PREX2: variants seen among roughly 807,000 people sequenced by gnomAD.
The protein encoded by PREX2 is phosphatidylinositol 3,4,5-trisphosphate-dependent Rac exchanger 2 protein.
Under a neutral mutation model 203.2 loss-of-function variants are expected in PREX2, and 107 were observed. That is an observed-to-expected ratio of 0.53 (90% CI 0.45 to 0.62). PREX2 has a LOEUF of 0.62. PREX2 is among the 20% of genes least tolerant of loss of function. PREX2 has a pLI of 0.00. For synonymous variants in PREX2, 672 were observed against 663.6 expected, an observed-to-expected ratio of 1.01 and a Z score of -0.19; for missense variants, 1,777 against 1,955.9, an observed-to-expected ratio of 0.91 and a Z score of 1.72.
chr8:68,002,046 T>A (rs1806952314), intron 1 of PREX2, among the ~76,000 whole-genome samples: 1 of 151,150 alleles, frequency 6.6e-6, no homozygotes, highest in African/African-American at 2.4e-5. Context: ...AGTTTCCCTA[T>A]GTAACAAACC....
chr8:68,113,017 A>G (rs774779712), intron 25 of PREX2, among the ~76,000 whole-genome samples: 11 of 152,168 alleles, frequency 7.2e-5, no homozygotes, highest in Admixed American at 3.3e-4. Context: ...CTGGAATTGC[A>G]TGCTGCTGAA....
At chr8:68,145,855 C>T (rs1811316167) in intron 33 of PREX2, among the ~76,000 whole-genome samples, 1 of 152,076 alleles carries the variant, frequency 6.6e-6, no homozygotes, top group Non-Finnish European at 1.5e-5. Flanking sequence ...ACCCCAAGGA[C>T]TCATTCTGAC....
At chr8:68,128,725 G>A (rs1028607926) in intron 31 of PREX2, among the ~76,000 whole-genome samples, 4 of 152,172 alleles carry the variant, frequency 2.6e-5, no homozygotes, top group African/African-American at 9.7e-5. Flanking sequence ...GCCCCAGCAT[G>A]TAACTGGCAA....
intron 34 of PREX2, among the ~76,000 whole-genome samples, chr8:68,152,683 G>A (rs1391771364): frequency 6.6e-6 from 1 of 152,134 alleles, no homozygotes; most frequent in Non-Finnish European, 1.5e-5. Flanking sequence ...GGCTGACTGA[G>A]GCACAAGGAA....
chr8:68,063,016 T>C (rs1808903886), intron 11 of PREX2, among the ~76,000 whole-genome samples: 1 of 152,190 alleles, frequency 6.6e-6, no homozygotes, highest in Non-Finnish European at 1.5e-5. Context: ...AAATTGTATA[T>C]GATTTTGCGC....
chr8:68,169,718 G>A (rs1188039740), intron 35 of PREX2, among the ~76,000 whole-genome samples: 1 of 152,070 alleles, frequency 6.6e-6, no homozygotes, highest in East Asian at 1.9e-4. Flanking sequence ...ACTGTATTAG[G>A]CCATCTGAGT....
At chr8:68,111,995 A>G (rs953699276) in intron 25 of PREX2, among the ~76,000 whole-genome samples, 19 of 152,186 alleles carry the variant, frequency 1.2e-4, no homozygotes, top group Admixed American at 6.5e-5. Context: ...TCCCTGTGAA[A>G]GGTCCTGGGG....
chr8:68,195,745 T>A (rs761109827), intron 37 of PREX2, among the ~76,000 whole-genome samples: 12 of 152,230 alleles, frequency 7.9e-5, no homozygotes, highest in Non-Finnish European at 1.8e-4. Context: ...ATTTTTATCA[T>A]TTACTTTTAA....
At chr8:68,043,572 C>A in intron 7 of PREX2, among the ~76,000 whole-genome samples, 1 of 152,010 alleles carries the variant, frequency 6.6e-6, no homozygotes, top group Non-Finnish European at 1.5e-5. Context: ...ACACATTAAT[C>A]ATTATTTGAC....
chr8:67,980,788 A>G (rs1225017473), intron 1 of PREX2, among the ~76,000 whole-genome samples: 1 of 152,134 alleles, frequency 6.6e-6, no homozygotes, highest in Admixed American at 6.6e-5. Flanking sequence ...TGCTGCTGCT[A>G]TGTGAAGAAG....
chr8:68,073,082 T>C (rs1809246866), intron 14 of PREX2, among the ~76,000 whole-genome samples: 1 of 151,894 alleles, frequency 6.6e-6, no homozygotes. Flanking sequence ...ACTGCTAGAA[T>C]TGAGAAAATG....
At chr8:68,041,644 G>A (rs1808201108) in intron 7 of PREX2, among the ~76,000 whole-genome samples, 1 of 152,008 alleles carries the variant, frequency 6.6e-6, no homozygotes, top group Non-Finnish European at 1.5e-5. Context: ...GTGTTTGATA[G>A]CAAGATTGAG....
chr8:68,174,539 A>G (rs1319908353), intron 35 of PREX2, among the ~76,000 whole-genome samples: 1 of 151,936 alleles, frequency 6.6e-6, no homozygotes, highest in Non-Finnish European at 1.5e-5. Flanking sequence ...GCCAATTCCT[A>G]CCCATCTTTT....
chr8:68,172,737 G>A (rs1811904804), intron 35 of PREX2, among the ~76,000 whole-genome samples: 2 of 152,116 alleles, frequency 1.3e-5, no homozygotes, highest in African/African-American at 4.8e-5. Context: ...ATCCTAAAGG[G>A]GAAAGGAGAA....
intron 37 of PREX2, among the ~76,000 whole-genome samples, chr8:68,196,056 G>A (rs368563690): frequency 1.7e-3 from 266 of 152,186 alleles, no homozygotes; most frequent in African/African-American, 6.3e-3. Context: ...TCTTCCCAAA[G>A]CATTTAGCCT....
chr8:68,218,475 T>C (rs960931102), intron 38 of PREX2, among the ~76,000 whole-genome samples: 3 of 152,242 alleles, frequency 2.0e-5, no homozygotes, highest in Non-Finnish European at 4.4e-5. Flanking sequence ...ATTTTATATT[T>C]TATTCTACCA....
chr8:68,079,088 G>T (rs556229049), intron 15 of PREX2, among the ~76,000 whole-genome samples: 5 of 152,270 alleles, frequency 3.3e-5, no homozygotes, highest in South Asian at 4.2e-4. Flanking sequence ...GAGAGGCCAA[G>T]GTGGGAGGTA....
At chr8:68,230,930 A>G (rs1563597498) in intron 39 of PREX2, among the ~76,000 whole-genome samples, 1 of 152,100 alleles carries the variant, frequency 6.6e-6, no homozygotes, top group Admixed American at 6.5e-5. Flanking sequence ...AAATCAGTAG[A>G]CCCCTATGAG....
intron 31 of PREX2, among the ~76,000 whole-genome samples, chr8:68,129,416 A>G (rs543334632): frequency 8.7e-4 from 133 of 152,026 alleles, no homozygotes; most frequent in Non-Finnish European, 1.4e-3. Flanking sequence ...CCCCTCTTCT[A>G]TATAGGATGA....
Sources: gnomAD v4.1 joint callset for allele counts (sites outside exome capture counted in the v4.1 genomes callset) on GRCh38, gnomAD v4.1.1 for gene constraint, MANE v1.5 for transcripts, NCBI Gene and HGNC (gene_info 2026-07-23, HGNC 2026-07-21) for gene names.